The following CCDC141 variants were observed in gnomAD, a reference collection of about 807,000 sequenced individuals.
The protein encoded by CCDC141 is coiled-coil domain containing 141.
In CCDC141, 168 loss-of-function variants were observed where a neutral mutation model predicts 181.0. The observed-to-expected ratio is 0.93, with a 90% CI of 0.82 to 1.05. The LOEUF (loss-of-function observed/expected upper bound fraction) is 1.05, where lower values mean the gene tolerates loss of function less well. Ranked by LOEUF, CCDC141 falls within the 50% of genes least tolerant of loss-of-function variation. The pLI, the probability that CCDC141 is intolerant of heterozygous loss-of-function variation, is 0.00. For synonymous variants in CCDC141, 666 were observed against 642.3 expected (o/e 1.04, Z -0.56); for missense variants, 1,902 against 1,788.5 (o/e 1.06, Z -1.14).
chr2:178,984,103 T>C (rs1461880013), intron 2 of CCDC141, among the ~76,000 whole-genome samples: 1 of 152,046 alleles, frequency 6.6e-6, no homozygotes, highest in Admixed American at 6.5e-5. Flanking sequence ...CCCATCAGAC[T>C]AACAGTGGAT....
At chr2:178,912,142 A>G (rs1418062493) in intron 7 of CCDC141, among the ~76,000 whole-genome samples, 2 of 152,218 alleles carry the variant, frequency 1.3e-5, no homozygotes, top group Non-Finnish European at 2.9e-5. Context: ...GGTGAACACA[A>G]AGTGAAAAGG....
intron 2 of CCDC141, among the ~76,000 whole-genome samples, chr2:178,989,110 G>T (rs1445084307): frequency 2.0e-5 from 3 of 152,010 alleles, no homozygotes; most frequent in Non-Finnish European, 4.4e-5. Flanking sequence ...TTTTAGATAC[G>T]ACACCAGTAG....
intron 7 of CCDC141, among the ~76,000 whole-genome samples, chr2:178,907,659 C>T (rs1296358499): frequency 1.3e-5 from 2 of 152,070 alleles, no homozygotes; most frequent in African/African-American, 2.4e-5. Flanking sequence ...TGCTTTCCTG[C>T]AGTTGGCAAT....
chr2:179,009,943 C>T (rs1287944341), intron 2 of CCDC141, among the ~76,000 whole-genome samples: 1 of 151,986 alleles, frequency 6.6e-6, no homozygotes, highest in Non-Finnish European at 1.5e-5. Flanking sequence ...AAATAGATAG[C>T]TTAAAGAAAA....
chr2:178,848,602 C>G (rs12622500), intron 21 of CCDC141, among the ~76,000 whole-genome samples: 22,134 of 152,062 alleles, frequency 0.15, 2,988 homozygotes, highest in East Asian at 0.62. Context: ...AAGGTAAAAG[C>G]TGGAAAGGGA....
At chr2:178,966,293 G>A (rs1196407157) in intron 4 of CCDC141, among the ~76,000 whole-genome samples, 1 of 152,204 alleles carries the variant, frequency 6.6e-6, no homozygotes, top group African/African-American at 2.4e-5. Flanking sequence ...CTCCTCAAGT[G>A]GGTCCCTGAC....
chr2:179,023,981 C>T (rs951485123), intron 2 of CCDC141, among the ~76,000 whole-genome samples: 5 of 152,142 alleles, frequency 3.3e-5, no homozygotes, highest in African/African-American at 1.2e-4. Context: ...CATAATGAGA[C>T]ATTGGTTGAG....
rs1229172286 is a variant in CCDC141, at chr2:179,047,283, C to T, written c.225+1G>A. 6 of 1,524,674 alleles carry T rather than the reference C, an allele frequency of 3.9e-6. No homozygotes were observed. The South Asian group carries it at 7.7e-5, about 20-fold the overall frequency. The allele number at this position is 1,524,674 out of a possible 1,614,324, so 94.4% of individuals were successfully genotyped here. Reference sequence around the variant, plus strand: ...TTCTGCTTCACATCTTAGTATCTTACCTTGAGCTTGGCCAAAAGAAGTTCA... The same window carrying T: ...TTCTGCTTCACATCTTAGTATCTTATCTTGAGCTTGGCCAAAAGAAGTTCA... On this transcript the variant is annotated splice_donor_variant, in intron 2 of 23. Coordinates refer to ENST00000443758, the MANE Select transcript of CCDC141 (RefSeq NM_173648.4). LOFTEE classifies it high-confidence loss of function.
At position 179,038,125 on chromosome 2, in the gene CCDC141, A is replaced by G. The variant is rs116152705; in HGVS notation, c.225+9159T>C. 5.0e-3 allele frequency among the ~76,000 whole-genome samples: 759 copies of G among 152,370 alleles called. 4 individuals carry two copies. The highest frequency in any genetic ancestry group is 0.018 in the African/African-American group (728 of 41,592). ...GGAAACAACTCAAGTGTCTATTGACAGATGAATGAATAAACAAAATGTAGC... is the reference window on the plus strand; with the variant it reads ...GGAAACAACTCAAGTGTCTATTGACGGATGAATGAATAAACAAAATGTAGC... On this transcript the variant is annotated intron_variant, in intron 2 of 23. Coordinates refer to ENST00000443758, the MANE Select transcript of CCDC141 (RefSeq NM_173648.4).
chr2:178,838,475 A>T (rs1684583760), intron 22 of CCDC141, among the ~76,000 whole-genome samples: 1 of 152,200 alleles, frequency 6.6e-6, no homozygotes, highest in Non-Finnish European at 1.5e-5. Flanking sequence ...TGACCCCTCT[A>T]TGTACCTCAT....
chr2:179,025,606 C>T (rs968884349), intron 2 of CCDC141, among the ~76,000 whole-genome samples: 5 of 152,150 alleles, frequency 3.3e-5, no homozygotes, highest in African/African-American at 9.7e-5. Context: ...ATGTCTTTAT[C>T]AGCAGTGTGA....
rs191098183 is a variant in CCDC141, at chr2:178,862,868, A to G, written c.2724+2899T>C. Among the ~76,000 whole-genome samples the G allele has an allele frequency of 1.8e-3, 277 of 152,314 alleles. 1 individual carries two copies. The highest frequency in any genetic ancestry group is 3.4e-3 in the Middle Eastern group (1 of 294). ...GCCTTGAGGTATTGAGTTCTTTTCT[A>G]AGGGCTTTCAGTGAAGTTAAGACCA... On this transcript the variant is annotated intron_variant, in intron 17 of 23. Coordinates refer to ENST00000443758, the MANE Select transcript of CCDC141 (RefSeq NM_173648.4).
chr2:178,911,636 T>C (rs1688223331), intron 7 of CCDC141, among the ~76,000 whole-genome samples: 1 of 152,230 alleles, frequency 6.6e-6, no homozygotes, highest in East Asian at 1.9e-4. Flanking sequence ...TGAGGAATAT[T>C]AGACTGATTT....
In CCDC141 at chr2:178,886,732, A is replaced by G. The variant is rs1217434079; in HGVS notation, c.1527+20T>C. 22 of 1,352,786 alleles carry G rather than the reference A, an allele frequency of 1.6e-5. No individual in the cohort carries two copies. In the East Asian group the frequency reaches 4.8e-4, roughly 29 times the overall value. 83.8% of individuals were successfully genotyped at this position (1,352,786 alleles called of 1,614,324 possible). A position where few individuals can be genotyped will look rare whatever the true frequency, so the allele number is the denominator to read the frequency against. ...TCTTTACAAAATTATAGCCATAATA[A>G]TCATTCTCATTTTATTTACCTTAGC... is the stretch of plus-strand genomic sequence containing the variant. On this transcript the variant is annotated intron_variant, in intron 10 of 23. Transcript: ENST00000443758.
At chr2:178,979,392 G>A (rs929332215) in intron 2 of CCDC141, among the ~76,000 whole-genome samples, 7 of 151,962 alleles carry the variant, frequency 4.6e-5, no homozygotes, top group African/African-American at 9.7e-5. Context: ...AACTTAAAAC[G>A]TGATAAAGAA....
At position 178,861,528 on chromosome 2, in the gene CCDC141, C is replaced by T. The variant is rs971853044; in HGVS notation, c.2724+4239G>A. ...GTGCATGCCTGTAATCACAACTACT[C>T]GGGAGGCTGAGGCAGGAAAATTGCT... On this transcript the variant is annotated intron_variant, in intron 17 of 23. Transcript: ENST00000443758. Among the ~76,000 whole-genome samples the T allele has an allele frequency of 2.7e-5, 4 of 150,056 alleles. No homozygotes were observed. In the East Asian group the frequency reaches 7.8e-4, roughly 29 times the overall value.
rs548172491 is a variant in CCDC141, at chr2:178,866,882, C to T, written c.2575-966G>A. Among the ~76,000 whole-genome samples, 46 of 152,242 alleles carry T rather than the reference C, an allele frequency of 3.0e-4. No individual in the cohort carries two copies. The South Asian group carries it at 3.3e-3, about 11-fold the overall frequency. ...TTGGGATTACAGGCACGTAATACCA[C>T]GCCTGGCTAATTGTTGTATTTTTAG... On this transcript the variant is annotated intron_variant, in intron 16 of 23. Transcript: ENST00000443758.
chr2:178,937,847 T>G (rs1187406622), intron 6 of CCDC141, among the ~76,000 whole-genome samples: 6 of 151,874 alleles, frequency 4.0e-5, no homozygotes, highest in Admixed American at 3.3e-4. Context: ...TAGGTCTGTA[T>G]AGAGGTGTTC....
chr2:178,983,048 C>T (rs1477030508), intron 2 of CCDC141, among the ~76,000 whole-genome samples: 1 of 152,212 alleles, frequency 6.6e-6, no homozygotes, highest in South Asian at 2.1e-4. Context: ...GTAACCTCTG[C>T]AGACTTAAAT....
Sources: gnomAD v4.1 joint callset for allele counts (sites outside exome capture counted in the v4.1 genomes callset) on GRCh38, gnomAD v4.1.1 for gene constraint, MANE v1.5 for transcripts, NCBI Gene and HGNC (gene_info 2026-07-23, HGNC 2026-07-21) for gene names.